The following GRIK3 variants were observed in gnomAD, a reference collection of about 807,000 sequenced individuals.
GRIK3 encodes glutamate ionotropic receptor kainate type subunit 3, also known as glutamate receptor ionotropic, kainate 3.
Under a neutral mutation model 102.5 loss-of-function variants are expected in GRIK3, and 29 were observed. The ratio of observed to expected loss-of-function variants is 0.28; its 90% CI spans 0.21 to 0.39. GRIK3 has a LOEUF of 0.39. Among genes scored for constraint, GRIK3 ranks in the 10% least tolerant of loss-of-function variants. GRIK3 has a pLI of 1.00. For missense variants in GRIK3, 908 were observed against 1,252.4 expected (o/e 0.73, Z 4.15); for synonymous variants, 511 against 504.9 (o/e 1.01, Z -0.16).
intron 10 of GRIK3, 57 bp downstream of exon 10, chr1:36,841,679 T>C (rs1420338600): frequency 6.9e-7 from 1 of 1,439,734 alleles, no homozygotes; most frequent in Non-Finnish European, 9.8e-7. Context: ...GTGCAGACAG[T>C]TCTAGGCCAA....
chr1:36,872,530 A>T lies in GRIK3; in HGVS notation c.551-161T>A, dbSNP rs114705588. Reference sequence around the variant, plus strand: ...CAGAGACTTGTGCACGTGCATGGACAACACTGGAGAGCAGGTGTGTGTGCA... The same window carrying T: ...CAGAGACTTGTGCACGTGCATGGACTACACTGGAGAGCAGGTGTGTGTGCA... On this transcript the variant is annotated intron_variant, in intron 3 of 15. Transcript: ENST00000373091. The surrounding 1 kb of genome is among the most constrained non-coding windows in gnomAD (Gnocchi z 5.9). Among the ~76,000 whole-genome samples the T allele has an allele frequency of 0.012, 1,766 of 152,334 alleles. 31 individuals are homozygous for T. Among genetic ancestry groups the T allele is most frequent in the African/African-American group, 0.038 (1,584 of 41,574 alleles).
intron 5 of GRIK3, among the ~76,000 whole-genome samples, chr1:36,861,923 C>T (rs1640731494): frequency 6.6e-6 from 1 of 152,002 alleles, no homozygotes; most frequent in Non-Finnish European, 1.5e-5. Context: ...TCTCTGTGGC[C>T]CCAGTGTCAG....
intron 1 of GRIK3, among the ~76,000 whole-genome samples, chr1:36,983,933 C>T (rs973645180): frequency 6.6e-6 from 1 of 152,204 alleles, no homozygotes; most frequent in Non-Finnish European, 1.5e-5. Flanking sequence ...GCTGCCCACC[C>T]ATGGGGGTGG....
intron 1 of GRIK3, among the ~76,000 whole-genome samples, chr1:36,914,849 G>GCACCTGGGCAGGTGTGAGCACACATCT (rs1557723610): frequency 6.6e-6 from 1 of 152,212 alleles, no homozygotes; most frequent in African/African-American, 2.4e-5. Flanking sequence ...GCATGTGTAT[G>GCACCTGGGCAGGTGTGAGCACACATCT]CACCTGGGCA....
chr1:36,825,170 G>A (rs1382742788), intron 11 of GRIK3, among the ~76,000 whole-genome samples: 1 of 152,142 alleles, frequency 6.6e-6, no homozygotes, highest in Non-Finnish European at 1.5e-5. Context: ...TGAGTTTACT[G>A]GGCACTGTTC....
intron 10 of GRIK3, among the ~76,000 whole-genome samples, chr1:36,827,478 T>C (rs1642767675): frequency 6.6e-6 from 1 of 152,120 alleles, no homozygotes; most frequent in Admixed American, 6.6e-5. Context: ...AGGCAATGCC[T>C]CCAGGTGTCC....
At chr1:37,026,869 G>A (rs1642769323) in intron 1 of GRIK3, among the ~76,000 whole-genome samples, 1 of 151,848 alleles carries the variant, frequency 6.6e-6, no homozygotes, top group Middle Eastern at 3.2e-3. Flanking sequence ...CATGACATGT[G>A]AGACACGAGC....
chr1:36,915,957 G>T (rs894358343), intron 1 of GRIK3, among the ~76,000 whole-genome samples: 1 of 152,176 alleles, frequency 6.6e-6, no homozygotes, highest in African/African-American at 2.4e-5. Context: ...AACGGGCAGA[G>T]GTTGGAAAAA....
chr1:36,812,510 A>G (rs1045275344), intron 13 of GRIK3, among the ~76,000 whole-genome samples: 20 of 152,138 alleles, frequency 1.3e-4, no homozygotes, highest in African/African-American at 4.8e-4. Context: ...ATAGCCAAAC[A>G]GTGCTTTCAA....
intron 3 of GRIK3, among the ~76,000 whole-genome samples, chr1:36,877,028 G>A (rs1640918821): frequency 1.3e-5 from 2 of 152,218 alleles, no homozygotes; most frequent in Admixed American, 1.3e-4. Flanking sequence ...TTCCAGAGGA[G>A]TGGGTACCTG....
chr1:36,805,954 A>AAG, intron 14 of GRIK3, 150 bp downstream of exon 14: 1 of 547,900 alleles, frequency 1.8e-6, no homozygotes, highest in East Asian at 3.1e-5. Context: ...AAAAAAAAAA[A>AAG]AAAAAAAGAA....
chr1:36,948,280 C>A (rs1447909663), intron 1 of GRIK3, among the ~76,000 whole-genome samples: 1 of 152,188 alleles, frequency 6.6e-6, no homozygotes, highest in African/African-American at 2.4e-5. Context: ...CTACTATGTG[C>A]CAATGCTGGA....
chr1:36,929,825 C>T (rs1487820499), intron 1 of GRIK3, among the ~76,000 whole-genome samples: 2 of 152,256 alleles, frequency 1.3e-5, no homozygotes, highest in Admixed American at 6.5e-5. Flanking sequence ...GAAGCAACTT[C>T]GTTGGATGGT....
chr1:37,003,984 G>A (rs761615592), intron 1 of GRIK3, among the ~76,000 whole-genome samples: 4 of 152,070 alleles, frequency 2.6e-5, no homozygotes, highest in African/African-American at 7.2e-5. Context: ...GCCCCAAAAC[G>A]AACTTGAGGT....
chr1:36,980,395 G>T (rs1172960491), intron 1 of GRIK3, among the ~76,000 whole-genome samples: 1 of 151,756 alleles, frequency 6.6e-6, no homozygotes, highest in Non-Finnish European at 1.5e-5. Context: ...GTGCCATGCT[G>T]CTTCTCACAC....
chr1:36,840,843 C>T lies in GRIK3; in HGVS notation c.1530+893G>A, dbSNP rs112405456. 1.1e-3 allele frequency among the ~76,000 whole-genome samples: 165 copies of T among 152,340 alleles called. 2 individuals are homozygous for T. The highest frequency in any genetic ancestry group is 3.4e-3 in the African/African-American group (142 of 41,596). On this transcript the variant is annotated intron_variant, in intron 10 of 15. Coordinates refer to ENST00000373091, the MANE Select transcript of GRIK3 (RefSeq NM_000831.4). Reference sequence around the variant, plus strand: ...CAGACCTGCTGGGCCACAGCCTGGGCGTCTGAGAACTATGATGTGTTTGCT... The same window carrying T: ...CAGACCTGCTGGGCCACAGCCTGGGTGTCTGAGAACTATGATGTGTTTGCT...
chr1:36,925,392 C>T (rs1641516400), intron 1 of GRIK3, among the ~76,000 whole-genome samples: 1 of 152,278 alleles, frequency 6.6e-6, no homozygotes, highest in Non-Finnish European at 1.5e-5. Context: ...CCCCAGTGAG[C>T]CAGTTCGTGC....
At chr1:36,951,348 G>A (rs1195594219) in intron 1 of GRIK3, among the ~76,000 whole-genome samples, 1 of 152,236 alleles carries the variant, frequency 6.6e-6, no homozygotes, top group African/African-American at 2.4e-5. Flanking sequence ...AATACTTAGG[G>A]GTCCTTGGGC....
chr1:36,939,068 GC>G (rs1212140202), intron 1 of GRIK3, among the ~76,000 whole-genome samples: 2 of 152,136 alleles, frequency 1.3e-5, no homozygotes, highest in African/African-American at 2.4e-5. Context: ...TGCCCTTCCC[GC>G]ATTTGGCTGT....
Sources: allele counts gnomAD v4.1 joint callset (sites outside exome capture counted in the v4.1 genomes callset), GRCh38; gene constraint gnomAD v4.1.1; non-coding constraint Gnocchi (gnomAD v3.1); transcripts MANE v1.5; gene names NCBI Gene and HGNC (gene_info 2026-07-23, HGNC 2026-07-21).